Variants in SMIM12 observed in about 807,000 individuals in gnomAD.
The protein encoded by SMIM12 is small integral membrane protein 12.
SMIM12 carries 5 observed loss-of-function variants against 6.3 expected under a neutral mutation model. The observed-to-expected ratio is 0.80, with a 90% confidence interval of 0.42 to 1.68. SMIM12 has a LOEUF of 1.68. Ranked by LOEUF, SMIM12 falls within the 40% of genes most tolerant of loss-of-function variation. The probability of loss-of-function intolerance (pLI) is 0.02; values close to 1 mark genes in which losing one functional copy is unlikely to be tolerated. For synonymous variants in SMIM12, 51 were observed against 48.0 expected (o/e 1.06, Z -0.26); for missense variants, 103 against 121.4 (o/e 0.85, Z 0.71).
Position 34,855,186 on chromosome 1 carries a change from A to G in SMIM12, c.*513T>C. The G allele has an allele frequency of 7.3e-7, 1 of 1,368,198 alleles. No homozygotes were observed. The highest frequency in any genetic ancestry group is 9.8e-7 in the Non-Finnish European group (1 of 1,022,210). The allele number at this position is 1,368,198 out of a possible 1,614,324, so 84.8% of individuals were successfully genotyped here. Reference sequence around the variant, plus strand: ...AACAGTCTGGGCTTCCCAGAACAGAAAAGTGCTTTCCTTCCTGGGGGAATC... The same window carrying G: ...AACAGTCTGGGCTTCCCAGAACAGAGAAGTGCTTTCCTTCCTGGGGGAATC... On this transcript the variant is annotated 3_prime_UTR_variant, in exon 2 of 2. Transcript: ENST00000521580.
At position 34,855,114 on chromosome 1, in the gene SMIM12, T is replaced by TCGCCG; in HGVS notation, c.*584_*585insCGGCG. ...TGATGGGGGTAGAAGATGGTGACTG[T>TCGCCG]TTTCAAGCAAATTCACGAGGCACAT... On this transcript the variant is annotated 3_prime_UTR_variant, in exon 2 of 2. Coordinates refer to ENST00000521580, the MANE Select transcript of SMIM12 (RefSeq NM_138428.6). 7.5e-7 allele frequency: 1 copy of TCGCCG among 1,332,214 alleles called. No individual in the cohort carries two copies. The highest frequency in any genetic ancestry group is 1.0e-6 in the Non-Finnish European group (1 of 1,003,542). 82.5% of individuals were successfully genotyped at this position (1,332,214 alleles called of 1,614,324 possible).
Position 34,850,495 on chromosome 1 carries a change from T to A in SMIM12, c.*5204A>T, listed in dbSNP as rs1640906349. Among the ~76,000 whole-genome samples the A allele has an allele frequency of 6.6e-6, 1 of 152,182 alleles. No homozygotes were observed. The highest frequency in any genetic ancestry group is 2.1e-4 in the South Asian group (1 of 4,834). On this transcript the variant is annotated 3_prime_UTR_variant, in exon 2 of 2. Coordinates refer to ENST00000521580, the MANE Select transcript of SMIM12 (RefSeq NM_138428.6). Reference sequence around the variant, plus strand: ...CTTCAAACTGATTCCCCTAAAGACTTCTACTTAGCAAATACTATAAAATAC... The same window carrying A: ...CTTCAAACTGATTCCCCTAAAGACTACTACTTAGCAAATACTATAAAATAC...
At position 34,851,766 on chromosome 1, in the gene SMIM12, A is replaced by G. The variant is rs146827849; in HGVS notation, c.*3933T>C. Among the ~76,000 whole-genome samples the G allele has an allele frequency of 6.7e-3, 1,024 of 152,310 alleles. 9 individuals are homozygous for G. The highest frequency in any genetic ancestry group is 0.023 in the African/African-American group (973 of 41,554). ...TCCTGCCGTGCTCGGAGAGGACCCTATACTAAAGCCACCACCATCATTGGG... is the reference window on the plus strand; with the variant it reads ...TCCTGCCGTGCTCGGAGAGGACCCTGTACTAAAGCCACCACCATCATTGGG... On this transcript the variant is annotated 3_prime_UTR_variant, in exon 2 of 2. Transcript: ENST00000521580.
rs747939218 is a variant in SMIM12, at chr1:34,850,469, T to C, written c.*5230A>G. On this transcript the variant is annotated 3_prime_UTR_variant, in exon 2 of 2. Coordinates refer to ENST00000521580, the MANE Select transcript of SMIM12 (RefSeq NM_138428.6). ...ACACCGGTTACTAATTACTCTTCAC[T>C]CTTCAAACTGATTCCCCTAAAGACT... is the stretch of plus-strand genomic sequence containing the variant. Among the ~76,000 whole-genome samples the C allele has an allele frequency of 9.2e-5, 14 of 152,198 alleles. No individual in the cohort carries two copies. The highest frequency in any genetic ancestry group is 1.5e-4 in the Non-Finnish European group (10 of 68,030).
In SMIM12 at chr1:34,855,422, T is replaced by C. The variant is rs1450339069; in HGVS notation, c.*277A>G. 1.3e-6 allele frequency: 2 copies of C among 1,541,732 alleles called. No individual in the cohort carries two copies. The highest frequency in any genetic ancestry group is 1.4e-5 in the African/African-American group (1 of 73,486). Reference sequence around the variant, plus strand: ...CACAGAGATTGACAGCCAATGTTCATCTCATAACTCTCCTCCCAGCAGTGC... The same window carrying C: ...CACAGAGATTGACAGCCAATGTTCACCTCATAACTCTCCTCCCAGCAGTGC... On this transcript the variant is annotated 3_prime_UTR_variant, in exon 2 of 2. Transcript: ENST00000521580.
Position 34,852,713 on chromosome 1 carries a change from G to A in SMIM12, c.*2986C>T, listed in dbSNP as rs57831134. 1 of 149,168 alleles carries A rather than the reference G, an allele frequency of 6.7e-6. No homozygotes were observed. The highest frequency in any genetic ancestry group is 2.1e-4 in the South Asian group (1 of 4,724). The allele number at this position is 149,168 out of a possible 1,614,324, so 9.2% of individuals were successfully genotyped here. Reference sequence around the variant, plus strand: ...TCTGGAGCTCTTAGAACATCTTTTAGAAAAATTCAAAAATCTGGTACCACT... The same window carrying A: ...TCTGGAGCTCTTAGAACATCTTTTAAAAAAATTCAAAAATCTGGTACCACT... On this transcript the variant is annotated 3_prime_UTR_variant, in exon 2 of 2. Transcript: ENST00000521580.
chr1:34,855,522 GGCT>G lies in SMIM12; in HGVS notation c.*174_*176del, dbSNP rs748464725. 6.2e-7 allele frequency: 1 copy of G among 1,611,136 alleles called. No homozygotes were observed. ...CGGCCTTCCTCTTCACTGGCCCCTC[GGCT>G]GCTGCTGGGTCTGCCTGGCCATCAA... On this transcript the variant is annotated 3_prime_UTR_variant, in exon 2 of 2. Transcript: ENST00000521580.
At chr1:34,859,118 T>C (rs1210240996) in intron 1 of SMIM12, 2 of 152,220 alleles carry the variant, frequency 1.3e-5, no homozygotes, top group African/African-American at 4.8e-5. Flanking sequence ...AGGCAGGGTA[T>C]CACAATGAAA....
In SMIM12 at chr1:34,855,905, C is replaced by T; in HGVS notation, c.73G>A (p.Gly25Arg). 1.3e-6 allele frequency: 2 copies of T among 1,551,642 alleles called. No individual in the cohort carries two copies. Among genetic ancestry groups the T allele is most frequent in the Non-Finnish European group, 1.7e-6 (2 of 1,146,992 alleles). Residue 25 changes from glycine to arginine, a missense_variant, in exon 2 of 2, where the codon GGG becomes AGG. Physicochemically the swap from Gly to Arg is moderately radical, Grantham distance 125. Coordinates refer to ENST00000521580, the MANE Select transcript of SMIM12 (RefSeq NM_138428.6). ...CATTCCAGGTGGTAACCCACAGCCC[C>T]GACCACGAAGGCAACAGGGAATGTG... is the stretch of plus-strand genomic sequence containing the variant. The part of the protein sequence containing the change: ...YVTFPVAFVV[G>R]AVGYHLEWFI...
At position 34,854,139 on chromosome 1, in the gene SMIM12, CT is replaced by C; in HGVS notation, c.*1559del. 6.6e-6 allele frequency: 1 copy of C among 151,668 alleles called. No homozygotes were observed. Among genetic ancestry groups the C allele is most frequent in the Non-Finnish European group, 1.5e-5 (1 of 67,906 alleles). The allele number at this position is 151,668 out of a possible 1,614,324, so 9.4% of individuals were successfully genotyped here. A position where few individuals can be genotyped will look rare whatever the true frequency, so the allele number is the denominator to read the frequency against. ...CTGGCCAAGATGGTGAAACCCCTGTCTTTACTAAAAACACAAAAACTAGCCA... is the reference window on the plus strand; with the variant it reads ...CTGGCCAAGATGGTGAAACCCCTGTCTTACTAAAAACACAAAAACTAGCCA... On this transcript the variant is annotated 3_prime_UTR_variant, in exon 2 of 2. Coordinates refer to ENST00000521580, the MANE Select transcript of SMIM12 (RefSeq NM_138428.6).
Position 34,850,463 on chromosome 1 carries a change from C to T in SMIM12, c.*5236G>A, listed in dbSNP as rs1044219165. Among the ~76,000 whole-genome samples, 2 of 152,228 alleles carry T rather than the reference C, an allele frequency of 1.3e-5. No individual in the cohort carries two copies. Among genetic ancestry groups the T allele is most frequent in the Non-Finnish European group, 2.9e-5 (2 of 68,038 alleles). The stretch of plus-strand genomic sequence containing the variant: ...ACTGATACACCGGTTACTAATTACT[C>T]TTCACTCTTCAAACTGATTCCCCTA... On this transcript the variant is annotated 3_prime_UTR_variant, in exon 2 of 2. Coordinates refer to ENST00000521580, the MANE Select transcript of SMIM12 (RefSeq NM_138428.6).
rs1417946920 is a variant in SMIM12 at position 34,850,723 on chromosome 1, C to CA, written c.*4975dup. On this transcript the variant is annotated 3_prime_UTR_variant, in exon 2 of 2. Coordinates refer to ENST00000521580, the MANE Select transcript of SMIM12 (RefSeq NM_138428.6). ...CCCCATTTTGCAGGGAAACCAAGGC[C>CA]AGTAGAGGTGAAGCGGCATACCCCA... The CA allele has an allele frequency of 3.9e-5, 6 of 152,198 alleles. No individual in the cohort carries two copies. The highest frequency in any genetic ancestry group is 8.8e-5 in the Non-Finnish European group (6 of 68,052). 9.4% of individuals were successfully genotyped at this position (152,198 alleles called of 1,614,324 possible). A position where few individuals can be genotyped will look rare whatever the true frequency, so the allele number is the denominator to read the frequency against.
rs1373415849 is a variant in SMIM12 at position 34,852,111 on chromosome 1, T to C, written c.*3588A>G. 2.0e-5 allele frequency among the ~76,000 whole-genome samples: 3 copies of C among 151,850 alleles called. No homozygotes were observed. The highest frequency in any genetic ancestry group is 1.9e-4 in the East Asian group (1 of 5,154). On this transcript the variant is annotated 3_prime_UTR_variant, in exon 2 of 2. Coordinates refer to ENST00000521580, the MANE Select transcript of SMIM12 (RefSeq NM_138428.6). ...AGAAAGATCTAGCTGAGAACACTAATAGACTTGCTAGAGGAAGAATTCAGT... is the reference window on the plus strand; with the variant it reads ...AGAAAGATCTAGCTGAGAACACTAACAGACTTGCTAGAGGAAGAATTCAGT...
Position 34,854,009 on chromosome 1 carries a change from A to C in SMIM12, c.*1690T>G, listed in dbSNP as rs7547768. 44,703 of 125,398 alleles carry C rather than the reference A, an allele frequency of 0.36. 7,576 individuals carry two copies. The highest frequency in any genetic ancestry group is 0.42 in the Non-Finnish European group (26,094 of 62,018). The allele number at this position is 125,398 out of a possible 1,614,324, so 7.8% of individuals were successfully genotyped here. A position where few individuals can be genotyped will look rare whatever the true frequency, so the allele number is the denominator to read the frequency against. On this transcript the variant is annotated 3_prime_UTR_variant, in exon 2 of 2. Transcript: ENST00000521580. The stretch of plus-strand genomic sequence containing the variant: ...AAAACAACAACAACAACAACAACAA[A>C]AAAAAACTACAGACTGCCAGGCACG...
Position 34,855,942 on chromosome 1 carries a change from A to G in SMIM12, c.36T>C (p.Tyr12=). Residue 12 remains tyrosine, a synonymous_variant, in exon 2 of 2, where the codon TAT becomes TAC. Coordinates refer to ENST00000521580, the MANE Select transcript of SMIM12 (RefSeq NM_138428.6). ...WPVFWTVVRT[Y]APYVTFPVAF... is the part of the protein sequence containing the mutation. ...CAACAGGGAATGTGACATAAGGAGC[A>G]TAGGTACGAACCACGGTCCAAAACA... 1 of 1,551,210 alleles carries G rather than the reference A, an allele frequency of 6.4e-7. No homozygotes were observed. The highest frequency in any genetic ancestry group is 1.2e-5 in the South Asian group (1 of 84,064).
chr1:34,856,604 C>T (rs1482722048), intron 1 of SMIM12: 1 of 152,210 alleles, frequency 6.6e-6, no homozygotes, highest in Non-Finnish European at 1.5e-5. Flanking sequence ...AGTCTGCCAA[C>T]ATTTCAAGAA....
At position 34,855,450 on chromosome 1, in the gene SMIM12, C is replaced by G. The variant is rs758762860; in HGVS notation, c.*249G>C. ...CATAACTCTCCTCCCAGCAGTGCAC[C>G]AGTAAACTCAGATGCCTGAGTGCTT... On this transcript the variant is annotated 3_prime_UTR_variant, in exon 2 of 2. Transcript: ENST00000521580. 4.4e-6 allele frequency: 7 copies of G among 1,582,546 alleles called. No homozygotes were observed. Among genetic ancestry groups the G allele is most frequent in the Non-Finnish European group, 6.0e-6 (7 of 1,160,068 alleles).
At position 34,850,545 on chromosome 1, in the gene SMIM12, G is replaced by A. The variant is rs140936863; in HGVS notation, c.*5154C>T. 6.6e-6 allele frequency: 1 copy of A among 152,214 alleles called. No individual in the cohort carries two copies. Among genetic ancestry groups the A allele is most frequent in the African/African-American group, 2.4e-5 (1 of 41,526 alleles). 9.4% of individuals were successfully genotyped at this position (152,214 alleles called of 1,614,324 possible). A position where few individuals can be genotyped will look rare whatever the true frequency, so the allele number is the denominator to read the frequency against. Reference sequence around the variant, plus strand: ...CGCTCTGTACAGGAAAGAAATAATAGCACATGTATTTGTATTTTATTATTC... The same window carrying A: ...CGCTCTGTACAGGAAAGAAATAATAACACATGTATTTGTATTTTATTATTC... On this transcript the variant is annotated 3_prime_UTR_variant, in exon 2 of 2. Transcript: ENST00000521580.
In SMIM12 at chr1:34,855,733, G is replaced by T. The variant is rs1444719070; in HGVS notation, c.245C>A (p.Ala82Asp). 1.2e-6 allele frequency: 2 copies of T among 1,606,104 alleles called. No homozygotes were observed. The highest frequency in any genetic ancestry group is 1.7e-6 in the Non-Finnish European group (2 of 1,175,706). ...LKDKLEFAPK[A>D]VLNRNRPEKN ...CTCTGGGCGGTTTCTGTTCAGCACA[G>T]CTTTCGGGGCAAATTCTAGCTTGTC... Residue 82 changes from alanine (A) to aspartate (D), a missense_variant, in exon 2 of 2, where the codon GCT becomes GAT. Physicochemically the swap from Ala to Asp is moderately radical, Grantham distance 126. Coordinates refer to ENST00000521580, the MANE Select transcript of SMIM12 (RefSeq NM_138428.6).
Sources: allele counts gnomAD v4.1 joint callset (sites outside exome capture counted in the v4.1 genomes callset), GRCh38; gene constraint gnomAD v4.1.1; transcripts MANE v1.5; gene names NCBI Gene and HGNC (gene_info 2026-07-23, HGNC 2026-07-21).